DLG2: variants seen among roughly 807,000 people sequenced by gnomAD.
DLG2 encodes the protein discs large MAGUK scaffold protein 2, also known as disks large homolog 2.
Under a neutral mutation model 132.5 loss-of-function variants are expected in DLG2, and 45 were observed. The observed-to-expected ratio is 0.34, with a 90% CI of 0.27 to 0.44. DLG2 has a LOEUF of 0.44. Among genes scored for constraint, DLG2 ranks in the 20% least tolerant of loss-of-function variants. DLG2 has a pLI of 1.00. For synonymous variants in DLG2, 424 were observed against 419.6 expected, an observed-to-expected ratio of 1.01 and a Z score of -0.13; for missense variants, 1,045 against 1,196.9, an observed-to-expected ratio of 0.87 and a Z score of 1.87.
At chr11:83,599,478 C>T (rs1050852058) in intron 19 of DLG2, among the ~76,000 whole-genome samples, 1 of 152,182 alleles carries the variant, frequency 6.6e-6, no homozygotes, top group Non-Finnish European at 1.5e-5. Flanking sequence ...TAAACACTTA[C>T]CAATCCTTCA....
chr11:85,613,317 A>G (rs2081129505), intron 2 of DLG2, among the ~76,000 whole-genome samples: 1 of 152,072 alleles, frequency 6.6e-6, no homozygotes, highest in Non-Finnish European at 1.5e-5. Context: ...GGACTGACCC[A>G]CCAGTCCTTT....
chr11:83,911,023 C>T (rs1197018047), intron 15 of DLG2, among the ~76,000 whole-genome samples: 1 of 151,976 alleles, frequency 6.6e-6, no homozygotes, highest in East Asian at 1.9e-4. Context: ...AATAGTTTGG[C>T]CTAAAGTAGG....
intron 8 of DLG2, among the ~76,000 whole-genome samples, chr11:84,200,893 A>G (rs565296300): frequency 6.6e-6 from 1 of 152,186 alleles, no homozygotes; most frequent in East Asian, 1.9e-4. Context: ...TTTTTTGCAA[A>G]CAAGATGGTT....
intron 4 of DLG2, among the ~76,000 whole-genome samples, chr11:85,229,680 C>T (rs1486474153): frequency 6.6e-6 from 1 of 152,112 alleles, no homozygotes; most frequent in East Asian, 1.9e-4. Context: ...ATTATAAAGA[C>T]ACATGCACAC....
Position 84,191,326 on chromosome 11 carries a change from T to C in DLG2, c.574-27815A>G, listed in dbSNP as rs886558785. Among the ~76,000 whole-genome samples the C allele has an allele frequency of 1.2e-4, 18 of 152,346 alleles. No individual in the cohort carries two copies. In the East Asian group the frequency reaches 3.1e-3, roughly 26 times the overall value. On this transcript the variant is annotated intron_variant, in intron 8 of 27. Coordinates refer to ENST00000376104, the MANE Select transcript of DLG2 (RefSeq NM_001142699.3). ...ATGACTACACATAGAATTATTCAAA[T>C]GGACTTAGTCTTTCCTTCCTGAGTC...
intron 7 of DLG2, among the ~76,000 whole-genome samples, chr11:84,436,664 C>T (rs1329788091): frequency 1.3e-5 from 2 of 152,102 alleles, no homozygotes; most frequent in African/African-American, 4.8e-5. Context: ...TCTGTTATCT[C>T]CAAGCATGTA....
chr11:85,598,009 A>T (rs192960545), intron 3 of DLG2, among the ~76,000 whole-genome samples: 14 of 123,870 alleles, frequency 1.1e-4, no homozygotes, highest in East Asian at 2.0e-4. Context: ...AGATGTATAT[A>T]AAAAAAAATA....
chr11:83,943,554 T>C (rs368676800), intron 14 of DLG2, among the ~76,000 whole-genome samples: 3 of 152,242 alleles, frequency 2.0e-5, no homozygotes, highest in African/African-American at 7.2e-5. Context: ...TCACCATATT[T>C]GCTATTTAAA....
chr11:84,269,214 TAA>T, intron 7 of DLG2, among the ~76,000 whole-genome samples: 1 of 152,320 alleles, frequency 6.6e-6, no homozygotes, highest in East Asian at 1.9e-4. Flanking sequence ...CACTAGAAGG[TAA>T]ATACCCCCAG....
chr11:85,217,745 C>G (rs2152585120), intron 4 of DLG2, among the ~76,000 whole-genome samples: 1 of 152,322 alleles, frequency 6.6e-6, no homozygotes, highest in Admixed American at 6.5e-5. Context: ...TTTGCACATG[C>G]TTTCCTCTGC....
At chr11:84,382,708 T>C (rs562750443) in intron 7 of DLG2, among the ~76,000 whole-genome samples, 2 of 152,130 alleles carry the variant, frequency 1.3e-5, no homozygotes, top group South Asian at 4.1e-4. Flanking sequence ...TCTTTAGTTA[T>C]GGCATCATTA....
chr11:84,749,700 G>A (rs925389614), intron 6 of DLG2, among the ~76,000 whole-genome samples: 2 of 152,146 alleles, frequency 1.3e-5, no homozygotes, highest in Admixed American at 6.6e-5. Context: ...AGTGATGCAT[G>A]GCTGTTTTTG....
intron 3 of DLG2, among the ~76,000 whole-genome samples, chr11:85,428,663 C>A (rs1253564010): frequency 6.6e-6 from 1 of 152,090 alleles, no homozygotes; most frequent in Non-Finnish European, 1.5e-5. Flanking sequence ...TAAATGCCCA[C>A]AAGAGAAAGA....
At chr11:85,434,653 A>T (rs2153020140) in intron 3 of DLG2, among the ~76,000 whole-genome samples, 1 of 152,310 alleles carries the variant, frequency 6.6e-6, no homozygotes. Flanking sequence ...ATAGACCAAT[A>T]ACAAGTTCTG....
chr11:84,766,801 G>T (rs1399932378), intron 6 of DLG2, among the ~76,000 whole-genome samples: 1 of 152,038 alleles, frequency 6.6e-6, no homozygotes, highest in Non-Finnish European at 1.5e-5. Flanking sequence ...AGTCGTTATA[G>T]TCTTGCTTAT....
intron 7 of DLG2, among the ~76,000 whole-genome samples, chr11:84,517,993 G>A (rs2099278907): frequency 6.6e-6 from 1 of 150,788 alleles, no homozygotes; most frequent in African/African-American, 2.4e-5. Flanking sequence ...ACCAGGAGTT[G>A]GGGTGGTTGG....
At chr11:83,890,446 C>T (rs919983720) in intron 15 of DLG2, among the ~76,000 whole-genome samples, 1 of 152,146 alleles carries the variant, frequency 6.6e-6, no homozygotes, top group Admixed American at 6.6e-5. Flanking sequence ...TTGATTTTTC[C>T]TTCCATTCCT....
At chr11:83,560,258 C>T (rs904802890) in intron 19 of DLG2, among the ~76,000 whole-genome samples, 2 of 152,058 alleles carry the variant, frequency 1.3e-5, no homozygotes, top group Non-Finnish European at 1.5e-5. Context: ...GCTGGGATTA[C>T]AGCTGTGCAC....
At chr11:85,032,265 C>G (rs114873545) in intron 6 of DLG2, among the ~76,000 whole-genome samples, 2 of 152,098 alleles carry the variant, frequency 1.3e-5, no homozygotes, top group Non-Finnish European at 2.9e-5. Context: ...AGTTTTCAAT[C>G]CATCAGTTGT....
Sources: gnomAD v4.1 joint callset for allele counts (sites outside exome capture counted in the v4.1 genomes callset) on GRCh38, gnomAD v4.1.1 for gene constraint, MANE v1.5 for transcripts, NCBI Gene and HGNC (gene_info 2026-07-23, HGNC 2026-07-21) for gene names.